RREB1: variants seen among roughly 807,000 people sequenced by gnomAD.
RREB1 encodes ras-responsive element-binding protein 1.
In RREB1, 27 loss-of-function variants were observed where a neutral mutation model predicts 117.8. That is an observed-to-expected ratio of 0.23 (90% CI 0.17 to 0.32). The LOEUF (loss-of-function observed/expected upper bound fraction) is 0.32. RREB1 is among the 10% of genes least tolerant of loss of function. RREB1 has a pLI of 1.00. For missense variants in RREB1, 2,577 were observed against 2,378.2 expected (o/e 1.08, Z -1.74); for synonymous variants, 1,298 against 1,026.7 (o/e 1.26, Z -5.05).
chr6:7,247,391 C>T (rs1402971863), intron 12 of RREB1, among the ~76,000 whole-genome samples, 170 bp downstream of exon 12: 1 of 152,070 alleles, frequency 6.6e-6, no homozygotes, highest in African/African-American at 2.4e-5. Context: ...GTACTCTCAG[C>T]CCTTGAAGAC....
In RREB1 at chr6:7,231,923, G is replaced by A; in HGVS notation, c.3808+16G>A. The A allele has an allele frequency of 6.4e-7, 1 of 1,564,746 alleles. No homozygotes were observed. Among genetic ancestry groups the A allele is most frequent in the Middle Eastern group, 1.7e-4 (1 of 5,826 alleles). ...ACACACACTGGTAAGAGGGCCACCGGGCTCCCAGGCAGTGAGTCCTACTTC... is the reference window on the plus strand; with the variant it reads ...ACACACACTGGTAAGAGGGCCACCGAGCTCCCAGGCAGTGAGTCCTACTTC... On this transcript the variant is annotated intron_variant, in intron 10 of 12. Coordinates refer to ENST00000379938, the MANE Select transcript of RREB1 (RefSeq NM_001003699.4).
At chr6:7,156,610 C>T (rs1375644188) in intron 1 of RREB1, among the ~76,000 whole-genome samples, 1 of 152,170 alleles carries the variant, frequency 6.6e-6, no homozygotes, top group African/African-American at 2.4e-5. Flanking sequence ...CAAATTTTTT[C>T]TCCTTTTGGA....
In RREB1 at chr6:7,229,278, C is replaced by T. The variant is rs765181105; in HGVS notation, c.1179C>T (p.Leu393=). 2.5e-6 allele frequency: 4 copies of T among 1,614,052 alleles called. No individual in the cohort carries two copies. Among genetic ancestry groups the T allele is most frequent in the Non-Finnish European group, 3.4e-6 (4 of 1,180,036 alleles). ...PLPDDNQAIQ[L]QTLKCQLPQD... Reference sequence around the variant, plus strand: ...CGGATGACAACCAGGCAATTCAGCTCCAGACACTCAAGTGTCAGCTACCTC... The same window carrying T: ...CGGATGACAACCAGGCAATTCAGCTTCAGACACTCAAGTGTCAGCTACCTC... The change falls in exon 10 of 13, where the codon CTC becomes CTT. Residue 393 remains leucine, a synonymous_variant. Transcript: ENST00000379938. This position sits in a 1 kb window ranked among gnomAD's most constrained non-coding sequence, Gnocchi z 4.5.
At chr6:7,176,252 CCT>C (rs1393677428) in intron 1 of RREB1, among the ~76,000 whole-genome samples, 1 of 152,150 alleles carries the variant, frequency 6.6e-6, no homozygotes, top group Non-Finnish European at 1.5e-5. Flanking sequence ...TATTTTTCCC[CCT>C]CTGTTTCTGA....
At chr6:7,195,870 G>A (rs1765640122) in intron 6 of RREB1, among the ~76,000 whole-genome samples, 1 of 152,202 alleles carries the variant, frequency 6.6e-6, no homozygotes, top group African/African-American at 2.4e-5. Flanking sequence ...ACATGGCCCT[G>A]TGCTCTGATT....
intron 6 of RREB1, among the ~76,000 whole-genome samples, chr6:7,208,467 G>A (rs1239894069): frequency 6.6e-6 from 1 of 152,194 alleles, no homozygotes; most frequent in East Asian, 1.9e-4. Flanking sequence ...CTCATCAAGC[G>A]GCTGGAAGGA....
intron 6 of RREB1, among the ~76,000 whole-genome samples, chr6:7,203,204 G>C (rs1195154855): frequency 6.6e-6 from 1 of 152,160 alleles, no homozygotes; most frequent in African/African-American, 2.4e-5. Flanking sequence ...AGGAGCTGTA[G>C]AAGCAGCAGA....
chr6:7,193,331 AT>A (rs887630266), intron 6 of RREB1, among the ~76,000 whole-genome samples: 1 of 152,088 alleles, frequency 6.6e-6, no homozygotes, highest in Non-Finnish European at 1.5e-5. Context: ...TGTTCTGTAG[AT>A]TTGCTGTTGG....
chr6:7,108,450 C>G (rs903345516), intron 1 of RREB1, among the ~76,000 whole-genome samples: 4 of 152,016 alleles, frequency 2.6e-5, no homozygotes, highest in Non-Finnish European at 5.9e-5. Context: ...CCATATTAGC[C>G]GTCCGAGCGC....
At chr6:7,112,975 G>A (rs1490871521) in intron 1 of RREB1, among the ~76,000 whole-genome samples, 1 of 152,182 alleles carries the variant, frequency 6.6e-6, no homozygotes, top group Non-Finnish European at 1.5e-5. Flanking sequence ...TATTTCTGGT[G>A]GGACTTCAAG....
Position 7,246,719 on chromosome 6 carries a change from G to A in RREB1, c.4269G>A (p.Lys1423=). 1.3e-6 allele frequency: 2 copies of A among 1,584,248 alleles called. No homozygotes were observed. Residue 1423 remains lysine (K), a synonymous_variant, in exon 12 of 13, where the codon AAG becomes AAA. Transcript: ENST00000379938. ...NQSLDLDFAT[K]LMDFKLAEGD... ...GCCTGGACCTGGACTTCGCCACCAA[G>A]CTCATGGACTTCAAGCTGGCGGAGG...
intron 1 of RREB1, among the ~76,000 whole-genome samples, chr6:7,141,908 G>T (rs1487224576): frequency 1.3e-5 from 2 of 152,198 alleles, no homozygotes; most frequent in Admixed American, 1.3e-4. Flanking sequence ...AAAAGGAGCC[G>T]TTTTCTGGGC....
intron 6 of RREB1, among the ~76,000 whole-genome samples, chr6:7,198,016 A>G (rs1235434304): frequency 3.3e-5 from 5 of 152,166 alleles, no homozygotes; most frequent in African/African-American, 1.2e-4. Context: ...TAAATGAGAC[A>G]AGGAGCAGAG....
Position 7,246,536 on chromosome 6 carries a change from G to C in RREB1, c.4086G>C (p.Gly1362=), listed in dbSNP as rs1257231440. The change falls in exon 12 of 13, where the codon GGG becomes GGC. Residue 1362 remains glycine, a synonymous_variant. Transcript: ENST00000379938. ...CCACTGAGCTCCGCCAGGTCGCAGG[G>C]GATGCGCCTGTGGAGCAGGCCACGG... ...EGATELRQVA[G]DAPVEQATAE... is the part of the protein sequence containing the mutation. 1.9e-6 allele frequency: 3 copies of C among 1,547,688 alleles called. No homozygotes were observed. The highest frequency in any genetic ancestry group is 2.0e-5 in the Admixed American group (1 of 50,996).
At chr6:7,133,270 A>G (rs1581428558) in intron 1 of RREB1, among the ~76,000 whole-genome samples, 1 of 152,094 alleles carries the variant, frequency 6.6e-6, no homozygotes, top group Admixed American at 6.6e-5. Context: ...ACATCAGCTC[A>G]CCCTGCCAAA....
chr6:7,240,992 C>T (rs1768671581), intron 11 of RREB1, among the ~76,000 whole-genome samples: 2 of 152,090 alleles, frequency 1.3e-5, no homozygotes, highest in Non-Finnish European at 2.9e-5. Flanking sequence ...GTTTGGGGAG[C>T]CTTAGCCGCT....
intron 1 of RREB1, among the ~76,000 whole-genome samples, chr6:7,109,528 G>A (rs2113267449): frequency 6.6e-6 from 1 of 152,254 alleles, no homozygotes; most frequent in East Asian, 1.9e-4. Context: ...GGCGGGGCGG[G>A]GAGCTGGGGG....
At chr6:7,148,584 G>C (rs897499658) in intron 1 of RREB1, among the ~76,000 whole-genome samples, 7 of 152,050 alleles carry the variant, frequency 4.6e-5, no homozygotes, top group African/African-American at 1.7e-4. Flanking sequence ...AGGCAGCCTA[G>C]TGTAAGTTGT....
In RREB1 at chr6:7,231,028, C is replaced by T. The variant is rs777321941; in HGVS notation, c.2929C>T (p.Pro977Ser). 7 of 1,613,966 alleles carry T rather than the reference C, an allele frequency of 4.3e-6. No individual in the cohort carries two copies. In the Admixed American group the frequency reaches 5.0e-5, roughly 12 times the overall value. Residue 977 changes from proline (P) to serine (S), a missense_variant, in exon 10 of 13, where the codon CCT (proline) becomes TCT (serine). Pro to Ser is a moderately conservative substitution (Grantham distance 74, BLOSUM62 -1). Coordinates refer to ENST00000379938, the MANE Select transcript of RREB1 (RefSeq NM_001003699.4). Reference protein sequence around the residue: ...EQPSPCPAPGPSLPVTLGPSG... With the variant: ...EQPSPCPAPGSSLPVTLGPSG... ...GCCCTCTCCCTGCCCAGCACCCGGC[C>T]CTTCTCTTCCTGTAACTTTGGGGCC...
Sources: gnomAD v4.1 joint callset for allele counts (sites outside exome capture counted in the v4.1 genomes callset) on GRCh38, gnomAD v4.1.1 for gene constraint, Gnocchi (gnomAD v3.1) non-coding constraint, MANE v1.5 for transcripts, NCBI Gene and HGNC (gene_info 2026-07-23, HGNC 2026-07-21) for gene names.